The following RANBP2 variants were observed in gnomAD, a reference collection of about 807,000 sequenced individuals.
RANBP2 encodes the protein RAN binding protein 2, also known as E3 SUMO-protein ligase RanBP2.
Under a neutral mutation model 303.6 loss-of-function variants are expected in RANBP2, and 57 were observed. The observed-to-expected ratio is 0.19, with a 90% CI of 0.15 to 0.23. The LOEUF (loss-of-function observed/expected upper bound fraction) is 0.23. RANBP2 is among the 10% of genes least tolerant of loss of function. The pLI is 1.00. For synonymous variants in RANBP2, 1,167 were observed against 1,301.5 expected (o/e 0.90, Z 2.23); for missense variants, 3,138 against 3,780.8 (o/e 0.83, Z 4.46).
the RANBP2 span, among the ~76,000 whole-genome samples, chr2:109,267,242 A>C: frequency 6.6e-6 from 1 of 152,214 alleles, no homozygotes; most frequent in African/African-American, 2.4e-5. Flanking sequence ...AGTGCATGTA[A>C]AGGCACACAA....
the RANBP2 span, among the ~76,000 whole-genome samples, chr2:109,388,005 G>C: frequency 1.3e-5 from 2 of 152,070 alleles, no homozygotes; most frequent in Non-Finnish European, 2.9e-5. Flanking sequence ...TTCAGGAGTC[G>C]ACAGAAGCTT....
At chr2:109,360,585 A>C in the RANBP2 span, among the ~76,000 whole-genome samples, 5 of 152,258 alleles carry the variant, frequency 3.3e-5, no homozygotes, top group Non-Finnish European at 7.3e-5. Context: ...CTGAAGTCCA[A>C]AACACTTTTG....
the RANBP2 span, among the ~76,000 whole-genome samples, chr2:109,048,108 A>C: frequency 5.9e-5 from 9 of 152,242 alleles, no homozygotes; most frequent in African/African-American, 2.2e-4. Flanking sequence ...AACGTCGGAT[A>C]ATTTGCATGG....
chr2:109,580,293 T>A, the RANBP2 span, among the ~76,000 whole-genome samples: 15 of 150,244 alleles, frequency 1.0e-4, 1 homozygote, highest in South Asian at 2.7e-3. Flanking sequence ...AATCAGTTAC[T>A]CTAACTCACC....
At position 108,764,598 on chromosome 2, in the gene RANBP2, G is replaced by T. The variant is rs746902823; in HGVS notation, c.4059G>T (p.Gly1353=). Residue 1353 remains glycine, a synonymous_variant, in exon 20 of 29, where the codon GGG becomes GGT. Coordinates refer to ENST00000283195, the MANE Select transcript of RANBP2 (RefSeq NM_006267.5). ...AATTTCAGGTTGCAAAGAAAGAAGG[G>T]TCTTGGTGGCATTGTAACAGCTGCT... ...NFEFQVAKKE[G]SWWHCNSCSL... The T allele has an allele frequency of 1.5e-5, 25 of 1,613,916 alleles. 1 individual carries two copies. The East Asian group carries it at 5.1e-4, about 33-fold the overall frequency.
chr2:109,137,080 AT>A, the RANBP2 span, among the ~76,000 whole-genome samples: 4 of 152,174 alleles, frequency 2.6e-5, no homozygotes, highest in Admixed American at 6.5e-5. Flanking sequence ...ATGAAATGTA[AT>A]TTTTTTTCCA....
chr2:109,550,093 C>T, the RANBP2 span, among the ~76,000 whole-genome samples: 1 of 151,716 alleles, frequency 6.6e-6, no homozygotes, highest in Non-Finnish European at 1.5e-5. Flanking sequence ...GAGTTCGAGA[C>T]CAGCCTGACC....
chr2:109,627,493 T>C, the RANBP2 span, among the ~76,000 whole-genome samples: 2 of 152,074 alleles, frequency 1.3e-5, no homozygotes, highest in Non-Finnish European at 2.9e-5. Context: ...CACCATGCCC[T>C]GCAAAAAACA....
chr2:109,514,141 G>A, the RANBP2 span, among the ~76,000 whole-genome samples: 1 of 152,188 alleles, frequency 6.6e-6, no homozygotes, highest in South Asian at 2.1e-4. Context: ...CAGCTCTGAG[G>A]TTTGGTTGAA....
the RANBP2 span, among the ~76,000 whole-genome samples, chr2:109,443,975 A>G: frequency 6.6e-6 from 1 of 152,228 alleles, no homozygotes; most frequent in Non-Finnish European, 1.5e-5. Context: ...TTACTGAGAT[A>G]GATTATGTAC....
At chr2:109,735,028 T>C in the RANBP2 span, among the ~76,000 whole-genome samples, 1 of 152,174 alleles carries the variant, frequency 6.6e-6, no homozygotes, top group African/African-American at 2.4e-5. Context: ...AAATCTTCTG[T>C]TCTAGCTATT....
At chr2:109,136,346 A>T in the RANBP2 span, among the ~76,000 whole-genome samples, 1 of 152,092 alleles carries the variant, frequency 6.6e-6, no homozygotes, top group African/African-American at 2.4e-5. Context: ...TTCAGATTTG[A>T]TGAATGTGAA....
chr2:109,421,285 G>A, the RANBP2 span, among the ~76,000 whole-genome samples: 1 of 152,260 alleles, frequency 6.6e-6, no homozygotes, highest in Non-Finnish European at 1.5e-5. Context: ...AAGCCCAGAT[G>A]TGTTTGTTTT....
rs772271582 is a variant in RANBP2 at position 108,729,138 on chromosome 2, A to C, written c.79A>C (p.Met27Leu). 1.3e-6 allele frequency: 2 copies of C among 1,572,170 alleles called. No homozygotes were observed. Among genetic ancestry groups the C allele is most frequent in the Non-Finnish European group, 1.7e-6 (2 of 1,161,294 alleles). Residue 27 changes from methionine to leucine, a missense_variant, in exon 2 of 29, where the codon ATG (methionine) becomes CTG (leucine). Around this residue, in one of 20 missense-constraint regions of RANBP2, gnomAD observed 306 missense variants for 381.9 expected, o/e 0.80. Coordinates refer to ENST00000283195, the MANE Select transcript of RANBP2 (RefSeq NM_006267.5). ...AACTTTTAATTTTTTTTAGAAGTCA[A>C]TGAAAGGATTCTATTTTGCAAAGCT... ...GSTPSPRQKS[M>L]KGFYFAKLYY... is the part of the protein sequence containing the mutation.
the RANBP2 span, among the ~76,000 whole-genome samples, chr2:109,717,506 C>CGGGA: frequency 1.3e-5 from 2 of 151,854 alleles, no homozygotes; most frequent in African/African-American, 4.8e-5. Flanking sequence ...CGCTTGAACC[C>CGGGA]GGGAGGCAGA....
At chr2:109,593,218 ATGT>A in the RANBP2 span, 8 of 730,980 alleles carry the variant, frequency 1.1e-5, no homozygotes, top group East Asian at 1.1e-4. Flanking sequence ...TGTTATAATA[ATGT>A]TGTTATCACC....
At chr2:109,218,466 A>G in the RANBP2 span, among the ~76,000 whole-genome samples, 1 of 152,198 alleles carries the variant, frequency 6.6e-6, no homozygotes, top group Non-Finnish European at 1.5e-5. Context: ...TTTCTGCTAT[A>G]CAAACCTATG....
At chr2:109,434,385 A>G in the RANBP2 span, among the ~76,000 whole-genome samples, 1 of 152,062 alleles carries the variant, frequency 6.6e-6, no homozygotes, top group Admixed American at 6.5e-5. Context: ...TTCTTCCTTT[A>G]TCTTTACCTG....
At chr2:109,719,818 C>T in the RANBP2 span, among the ~76,000 whole-genome samples, 51 of 152,216 alleles carry the variant, frequency 3.4e-4, no homozygotes, top group Admixed American at 3.3e-3. Flanking sequence ...AAGCATCGAC[C>T]AAGATGATTC....
Sources: allele counts gnomAD v4.1 joint callset (sites outside exome capture counted in the v4.1 genomes callset), GRCh38; gene constraint gnomAD v4.1.1; regional missense constraint gnomAD v4.1.1; transcripts MANE v1.5; gene names NCBI Gene and HGNC (gene_info 2026-07-23, HGNC 2026-07-21).